The following CIRSR variants were observed in gnomAD, a reference collection of about 807,000 sequenced individuals.
CIRSR encodes the protein CBF1 (RBPJ) interacting corepressor 1.
the CIRSR span, among the ~76,000 whole-genome samples, chr2:174,349,771 C>T: frequency 2.6e-5 from 4 of 151,922 alleles, no homozygotes; most frequent in East Asian, 3.9e-4. Flanking sequence ...AATTATATAG[C>T]ACTCTAAAGG....
chr2:174,389,348 G>A, the CIRSR span, among the ~76,000 whole-genome samples: 1 of 152,316 alleles, frequency 6.6e-6, no homozygotes, highest in African/African-American at 2.4e-5. Context: ...GGTCTCAGAT[G>A]GAGATGGGAA....
chr2:174,389,241 G>A, the CIRSR span, among the ~76,000 whole-genome samples: 3 of 152,312 alleles, frequency 2.0e-5, no homozygotes, highest in African/African-American at 7.2e-5. Context: ...TCAGAAAACA[G>A]GAAGATGTGG....
At chr2:174,387,655 T>C in the CIRSR span, 3 of 1,562,174 alleles carry the variant, frequency 1.9e-6, no homozygotes, top group Non-Finnish European at 1.7e-6. Flanking sequence ...TTGATAATTC[T>C]AGATATACTG....
the CIRSR span, among the ~76,000 whole-genome samples, chr2:174,374,358 C>G: frequency 1.3e-5 from 2 of 152,140 alleles, no homozygotes; most frequent in Non-Finnish European, 2.9e-5. Flanking sequence ...TAATACTGTA[C>G]TTTGTTTTCC....
At chr2:174,352,550 T>C in the CIRSR span, among the ~76,000 whole-genome samples, 1 of 152,156 alleles carries the variant, frequency 6.6e-6, no homozygotes, top group East Asian at 1.9e-4. Context: ...GGAGGCCAAC[T>C]TGGCCAACAT....
chr2:174,378,432 T>C, the CIRSR span, among the ~76,000 whole-genome samples: 1 of 152,198 alleles, frequency 6.6e-6, no homozygotes, highest in African/African-American at 2.4e-5. Context: ...CAAAATAATC[T>C]AAACCAAATT....
At chr2:174,366,550 A>C in the CIRSR span, among the ~76,000 whole-genome samples, 1 of 152,214 alleles carries the variant, frequency 6.6e-6, no homozygotes, top group African/African-American at 2.4e-5. Context: ...TATTAAAAGA[A>C]GCTCCTTAGT....
chr2:174,392,305 T>C, the CIRSR span, among the ~76,000 whole-genome samples: 14 of 152,316 alleles, frequency 9.2e-5, no homozygotes, highest in Middle Eastern at 3.4e-3. Context: ...CGGGGGTTTC[T>C]TTTTGGGGTG....
At chr2:174,350,691 G>T in the CIRSR span, 1 of 1,608,714 alleles carries the variant, frequency 6.2e-7, no homozygotes, top group East Asian at 2.2e-5. Context: ...TTGGTTGTTA[G>T]TGACTTTAAA....
chr2:174,371,093 T>C, the CIRSR span, among the ~76,000 whole-genome samples: 3 of 152,096 alleles, frequency 2.0e-5, no homozygotes, highest in Non-Finnish European at 4.4e-5. Flanking sequence ...GGCAAATCTA[T>C]AGAGACAGAA....
the CIRSR span, among the ~76,000 whole-genome samples, chr2:174,379,793 G>A: frequency 2.8e-5 from 4 of 140,504 alleles, no homozygotes; most frequent in African/African-American, 8.0e-5. Flanking sequence ...GTGCAGTCTC[G>A]GCTCACTGCA....
the CIRSR span, among the ~76,000 whole-genome samples, chr2:174,362,316 AAAAC>A: frequency 1.3e-5 from 2 of 151,432 alleles, no homozygotes; most frequent in African/African-American, 4.9e-5. Context: ...AACAAAAACA[AAAAC>A]AAAAACAAAA....
chr2:174,351,807 G>A, the CIRSR span: 1 of 940,716 alleles, frequency 1.1e-6, no homozygotes, highest in Non-Finnish European at 1.6e-6. Flanking sequence ...TGCAGTTGAA[G>A]CTTTGTTAAG....
chr2:174,364,534 T>C, the CIRSR span, among the ~76,000 whole-genome samples: 2 of 152,200 alleles, frequency 1.3e-5, no homozygotes, highest in South Asian at 2.1e-4. Flanking sequence ...TGCACTGCCC[T>C]AGCAGAGGTT....
At chr2:174,383,666 G>A in the CIRSR span, among the ~76,000 whole-genome samples, 1 of 145,588 alleles carries the variant, frequency 6.9e-6, no homozygotes, top group Non-Finnish European at 1.5e-5. Flanking sequence ...GTTGGAGTGA[G>A]CCGAGATCGC....
chr2:174,360,365 G>A, the CIRSR span, among the ~76,000 whole-genome samples: 1 of 152,156 alleles, frequency 6.6e-6, no homozygotes, highest in African/African-American at 2.4e-5. Flanking sequence ...TATACATTCA[G>A]AAGAGATTAT....
the CIRSR span, among the ~76,000 whole-genome samples, chr2:174,390,715 G>A: frequency 6.6e-6 from 1 of 152,132 alleles, no homozygotes; most frequent in Non-Finnish European, 1.5e-5. Flanking sequence ...CCCGATGGGA[G>A]GTAACTGAAT....
At chr2:174,388,817 T>A in the CIRSR span, among the ~76,000 whole-genome samples, 1 of 152,144 alleles carries the variant, frequency 6.6e-6, no homozygotes. Context: ...CCATGTGTCA[T>A]GGGAGGGACC....
At chr2:174,378,928 C>G in the CIRSR span, 4 of 1,608,286 alleles carry the variant, frequency 2.5e-6, no homozygotes, top group Non-Finnish European at 3.4e-6. Context: ...CCTACCTGAG[C>G]CATCAGTGGG....
Sources: gnomAD v4.1 joint callset for allele counts (sites outside exome capture counted in the v4.1 genomes callset) on GRCh38, gnomAD v4.1.1 for gene constraint, MANE v1.5 for transcripts, NCBI Gene and HGNC (gene_info 2026-07-23, HGNC 2026-07-21) for gene names.